The following ATXN8OS variants were observed in gnomAD, a reference collection of about 807,000 sequenced individuals.
ATXN8OS encodes the protein ATXN8 opposite strand (non-protein coding).
chr13:70,115,584 T>C (rs998928244), intron 2 of ATXN8OS, among the ~76,000 whole-genome samples: 17 of 152,160 alleles, frequency 1.1e-4, no homozygotes, highest in Non-Finnish European at 2.1e-4. Context: ...ATGGTCTTAC[T>C]AGACTAGGAT....
At chr13:70,164,083 T>G (rs1889045593) in intron 4 of ATXN8OS, among the ~76,000 whole-genome samples, 1 of 147,370 alleles carries the variant, frequency 6.8e-6, no homozygotes. Context: ...ATTATTATTA[T>G]TATTATTATT....
At chr13:70,122,491 C>T (rs1888373610) in intron 2 of ATXN8OS, among the ~76,000 whole-genome samples, 1 of 150,380 alleles carries the variant, frequency 6.6e-6, no homozygotes, top group African/African-American at 2.4e-5. Flanking sequence ...TATCTCCTGT[C>T]CTTCTTAGAG....
At chr13:70,151,499 G>T (rs1406669895) in intron 4 of ATXN8OS, among the ~76,000 whole-genome samples, 3 of 152,040 alleles carry the variant, frequency 2.0e-5, no homozygotes, top group African/African-American at 7.2e-5. Flanking sequence ...AATGTATAGA[G>T]AAGAAGGAAG....
At chr13:70,109,104 A>G (rs527879363) in intron 1 of ATXN8OS, among the ~76,000 whole-genome samples, 1 of 152,248 alleles carries the variant, frequency 6.6e-6, no homozygotes, top group African/African-American at 2.4e-5. Flanking sequence ...CTTCTAGTAC[A>G]TAAATCATTG....
intron 3 of ATXN8OS, among the ~76,000 whole-genome samples, chr13:70,143,460 G>A (rs1888743307): frequency 6.6e-6 from 1 of 151,976 alleles, no homozygotes; most frequent in Admixed American, 6.6e-5. Context: ...ACCTCTGCTG[G>A]TGTTCTGTGC....
At chr13:70,138,014 G>C (rs928182698) in intron 3 of ATXN8OS, among the ~76,000 whole-genome samples, 2 of 152,144 alleles carry the variant, frequency 1.3e-5, no homozygotes, top group African/African-American at 4.8e-5. Flanking sequence ...TAAATGACCA[G>C]ACCTTGAGAG....
chr13:70,164,055 CTTATTATTATTATTATTA>C (rs56827181), intron 4 of ATXN8OS, among the ~76,000 whole-genome samples: 12 of 29,096 alleles, frequency 4.1e-4, no homozygotes, highest in African/African-American at 9.8e-4. Context: ...AGTTTTTATT[CTTATTATTATTATTATTA>C]TTATTATTAT....
chr13:70,116,796 T>C (rs1488224088), intron 2 of ATXN8OS, among the ~76,000 whole-genome samples: 2 of 152,134 alleles, frequency 1.3e-5, no homozygotes, highest in African/African-American at 4.8e-5. Context: ...TAAGAGATGA[T>C]GTAAATGTGG....
At chr13:70,133,324 G>A (rs574630612) in intron 3 of ATXN8OS, among the ~76,000 whole-genome samples, 101 of 152,306 alleles carry the variant, frequency 6.6e-4, no homozygotes, top group African/African-American at 2.3e-3. Context: ...AGAAGCTGAA[G>A]TGGGAAGATT....
intron 3 of ATXN8OS, among the ~76,000 whole-genome samples, chr13:70,147,170 A>G (rs1380309103): frequency 1.3e-5 from 2 of 152,182 alleles, no homozygotes; most frequent in Non-Finnish European, 2.9e-5. Context: ...TAAAGATAAT[A>G]CAACTAACTT....
At chr13:70,162,945 T>A (rs925983475) in intron 4 of ATXN8OS, among the ~76,000 whole-genome samples, 1 of 152,092 alleles carries the variant, frequency 6.6e-6, no homozygotes, top group Non-Finnish European at 1.5e-5. Context: ...CTGAGCCCAA[T>A]ACTTTGAATC....
intron 1 of ATXN8OS, among the ~76,000 whole-genome samples, chr13:70,114,670 G>A: frequency 6.6e-6 from 1 of 151,800 alleles, no homozygotes; most frequent in Non-Finnish European, 1.5e-5. Flanking sequence ...CTTCTTAGTT[G>A]GATAATGACT....
At chr13:70,151,907 A>C (rs1364684009) in intron 4 of ATXN8OS, among the ~76,000 whole-genome samples, 1 of 152,074 alleles carries the variant, frequency 6.6e-6, no homozygotes, top group Non-Finnish European at 1.5e-5. Context: ...AAAATCAGTA[A>C]ATATAACATT....
chr13:70,134,601 C>T (rs186382725), intron 3 of ATXN8OS, among the ~76,000 whole-genome samples: 1 of 152,324 alleles, frequency 6.6e-6, no homozygotes, highest in Admixed American at 6.5e-5. Flanking sequence ...AACATGTCTA[C>T]TCAGTGCAAC....
intron 3 of ATXN8OS, among the ~76,000 whole-genome samples, chr13:70,145,858 A>G (rs1264809874): frequency 1.3e-5 from 2 of 151,468 alleles, no homozygotes; most frequent in Admixed American, 6.6e-5. Flanking sequence ...ATGGGCAAGG[A>G]CTTCATGTCT....
At chr13:70,115,588 C>G (rs1330994989) in intron 2 of ATXN8OS, among the ~76,000 whole-genome samples, 1 of 152,054 alleles carries the variant, frequency 6.6e-6, no homozygotes, top group Non-Finnish European at 1.5e-5. Context: ...TCTTACTAGA[C>G]TAGGATGGTT....
chr13:70,145,167 G>A lies in ATXN8OS; in HGVS notation n.500-2188G>A, dbSNP rs913059796. 4.3e-4 allele frequency among the ~76,000 whole-genome samples: 66 copies of A among 152,078 alleles called. 1 individual carries two copies. The highest frequency in any genetic ancestry group is 1.3e-4 in the Non-Finnish European group (9 of 68,012). On this transcript the variant is annotated intron_variant and non_coding_transcript_variant, in intron 3 of 4. Coordinates refer to ENST00000678624, the Ensembl canonical transcript of ATXN8OS. ...TCAAAGATCAGATGGTTGTAGGTAT[G>A]TGGCATTATTTCTGAGGGCTCTGTT...
Position 70,116,569 on chromosome 13 carries a change from C to T in ATXN8OS, n.398+1271C>T, listed in dbSNP as rs111962411. Among the ~76,000 whole-genome samples the T allele has an allele frequency of 2.7e-4, 41 of 152,200 alleles. 1 individual carries two copies. The highest frequency in any genetic ancestry group is 9.4e-4 in the African/African-American group (39 of 41,544). ...TATTGGAGTTCAAGGAGGCAGCAGA[C>T]AAGATACCAGATCACTTACAGGATC... On this transcript the variant is annotated intron_variant and non_coding_transcript_variant, in intron 2 of 4. Coordinates refer to ENST00000678624, the Ensembl canonical transcript of ATXN8OS.
intron 2 of ATXN8OS, chr13:70,115,423 G>A (rs1155265): frequency 2.5e-6 from 1 of 395,266 alleles, no homozygotes; most frequent in Non-Finnish European, 4.5e-6. Flanking sequence ...ACAGAAGAAT[G>A]TGAAGAAATA....
Sources: gnomAD v4.1 joint callset for allele counts (sites outside exome capture counted in the v4.1 genomes callset) on GRCh38, gnomAD v4.1.1 for gene constraint, MANE v1.5 for transcripts, NCBI Gene and HGNC (gene_info 2026-07-23, HGNC 2026-07-21) for gene names.